The following TECR variants were observed in gnomAD, a reference collection of about 807,000 sequenced individuals.
TECR encodes very-long-chain enoyl-CoA reductase.
TECR carries 19 observed loss-of-function variants against 50.6 expected under a neutral mutation model. The observed-to-expected ratio is 0.38, with a 90% CI of 0.26 to 0.55. The LOEUF (loss-of-function observed/expected upper bound fraction) is 0.55. TECR is among the 20% of genes least tolerant of loss of function. The pLI is 0.79. For synonymous variants in TECR, 168 were observed against 163.5 expected (o/e 1.03, Z -0.21); for missense variants, 313 against 408.3 (o/e 0.77, Z 2.01).
intron 1 of TECR, among the ~76,000 whole-genome samples, chr19:14,535,124 G>A (rs1176232102): frequency 1.3e-5 from 2 of 152,166 alleles, no homozygotes; most frequent in African/African-American, 4.8e-5. Flanking sequence ...TGTAATCCCA[G>A]CACGTTGGGA....
chr19:14,533,292 C>T (rs1419953579), intron 1 of TECR, among the ~76,000 whole-genome samples: 4 of 151,648 alleles, frequency 2.6e-5, no homozygotes, highest in Admixed American at 1.3e-4. Flanking sequence ...TGGTGGCGCA[C>T]GCCTGAAATC....
At chr19:14,554,116 A>G (rs188097899) in intron 1 of TECR, among the ~76,000 whole-genome samples, 2 of 152,200 alleles carry the variant, frequency 1.3e-5, no homozygotes, top group Non-Finnish European at 2.9e-5. Context: ...GGCTTTCAAC[A>G]TGCACGCGTG....
chr19:14,565,548 G>A (rs2074053874), intron 11 of TECR, 70 bp from the exon 12 acceptor site: 1 of 1,562,374 alleles, frequency 6.4e-7, no homozygotes, highest in African/African-American at 1.4e-5. Context: ...GAGGTGGCTG[G>A]CTGAGTCCAG....
At chr19:14,559,281 C>G (rs1342256437) in intron 1 of TECR, among the ~76,000 whole-genome samples, 2 of 152,064 alleles carry the variant, frequency 1.3e-5, no homozygotes, top group South Asian at 2.1e-4. Context: ...TGTCTCGTCC[C>G]AGAACATTTT....
intron 1 of TECR, among the ~76,000 whole-genome samples, chr19:14,558,692 T>G (rs1014238837): frequency 1.3e-5 from 2 of 152,170 alleles, no homozygotes; most frequent in African/African-American, 4.8e-5. Context: ...TGGCCAGTGC[T>G]GGGACCTCGC....
intron 11 of TECR, 59 bp from the exon 12 acceptor site, chr19:14,565,559 G>C (rs2074054385): frequency 1.3e-6 from 2 of 1,575,258 alleles, no homozygotes; most frequent in Non-Finnish European, 1.7e-6. Context: ...CTGAGTCCAG[G>C]ACAGCCACAT....
Position 14,563,421 on chromosome 19 carries a change from T to G in TECR, c.118+164T>G. ...TGGGGCAGGCGCCTCCACGTGGCAC[T>G]CCGCAGGAACGCCCTTGCTAGGCTC... On this transcript the variant is annotated intron_variant, in intron 3 of 12. Transcript: ENST00000215567. The surrounding 1 kb of genome is among the most constrained non-coding windows in gnomAD (Gnocchi z 5.3). 1 of 841,380 alleles carries G rather than the reference T, an allele frequency of 1.2e-6. No individual in the cohort carries two copies. The highest frequency in any genetic ancestry group is 1.7e-5 in the African/African-American group (1 of 58,890). The allele number at this position is 841,380 out of a possible 1,614,324, so 52.1% of individuals were successfully genotyped here. A position where few individuals can be genotyped will look rare whatever the true frequency, so the allele number is the denominator to read the frequency against.
chr19:14,537,113 G>A (rs1048342952), intron 1 of TECR, among the ~76,000 whole-genome samples: 4 of 144,390 alleles, frequency 2.8e-5, no homozygotes, highest in Non-Finnish European at 6.0e-5. Context: ...GCAGGGCTGA[G>A]GTGGAGGAGG....
rs1199013603 is a variant in TECR, at chr19:14,565,810, A to T, written c.866A>T (p.Tyr289Phe). The change falls in exon 13 of 13, where the codon TAC becomes TTC. Residue 289 changes from tyrosine to phenylalanine, a missense_variant. Transcript: ENST00000215567. ...TIWAKGKHRS[Y>F]LKEFRDYPPL... Reference sequence around the variant, plus strand: ...TGGGCCAAGGGCAAGCACCGCAGCTACCTGAAGGAGTTCCGGGACTACCCG... The same window carrying T: ...TGGGCCAAGGGCAAGCACCGCAGCTTCCTGAAGGAGTTCCGGGACTACCCG... 6.2e-7 allele frequency: 1 copy of T among 1,602,312 alleles called. No homozygotes were observed. Among genetic ancestry groups the T allele is most frequent in the Admixed American group, 1.7e-5 (1 of 58,344 alleles).
chr19:14,542,376 T>TTTTTTTTTC (rs1762683142), intron 1 of TECR, among the ~76,000 whole-genome samples: 1 of 110,124 alleles, frequency 9.1e-6, no homozygotes, highest in African/African-American at 3.6e-5. Flanking sequence ...TTTTTTTTTT[T>TTTTTTTTTC]CTGAGATGGA....
chr19:14,558,363 G>A (rs546369959), intron 1 of TECR, among the ~76,000 whole-genome samples: 16 of 152,262 alleles, frequency 1.1e-4, no homozygotes, highest in Non-Finnish European at 1.8e-4. Flanking sequence ...TCTGTTGCTT[G>A]CGGCACTCCC....
At chr19:14,554,201 C>T (rs1014954226) in intron 1 of TECR, among the ~76,000 whole-genome samples, 2 of 152,164 alleles carry the variant, frequency 1.3e-5, no homozygotes, top group African/African-American at 2.4e-5. Context: ...GGCTCCTGCT[C>T]CCTCCGGCTG....
chr19:14,545,414 C>CGCTGACTCCTCTCCACA (rs2073270743), intron 1 of TECR, among the ~76,000 whole-genome samples: 1 of 152,186 alleles, frequency 6.6e-6, no homozygotes, highest in Admixed American at 6.5e-5. Flanking sequence ...CCCTCTGCAC[C>CGCTGACTCCTCTCCACA]GCTGTCTCCT....
chr19:14,557,977 G>T (rs1347077366), intron 1 of TECR, among the ~76,000 whole-genome samples: 1 of 150,780 alleles, frequency 6.6e-6, no homozygotes, highest in African/African-American at 2.4e-5. Context: ...GGATGGTCTC[G>T]ATCTCCTGAC....
chr19:14,529,662 CAGCCGCGGAGCAGT>C lies in TECR; in HGVS notation c.-28_-15del. 1 of 1,613,800 alleles carries C rather than the reference CAGCCGCGGAGCAGT, an allele frequency of 6.2e-7. No homozygotes were observed. The highest frequency in any genetic ancestry group is 8.5e-7 in the Non-Finnish European group (1 of 1,180,030). On this transcript the variant is annotated 5_prime_UTR_variant, in exon 1 of 13. Transcript: ENST00000215567. Reference sequence around the variant, plus strand: ...GCTGTGCCGCGCAGTTAGGCAGCAGCAGCCGCGGAGCAGTAGCCGCCGTGGGAGGGAGCCATGAA... The same window carrying C: ...GCTGTGCCGCGCAGTTAGGCAGCAGCAGCCGCCGTGGGAGGGAGCCATGAA...
chr19:14,552,772 G>A (rs2073578733), intron 1 of TECR, among the ~76,000 whole-genome samples: 7 of 151,842 alleles, frequency 4.6e-5, no homozygotes, highest in South Asian at 2.1e-4. Flanking sequence ...TCCTGACCTC[G>A]TGATCCACCC....
chr19:14,560,745 G>A (rs2073879022), intron 1 of TECR, among the ~76,000 whole-genome samples: 1 of 152,210 alleles, frequency 6.6e-6, no homozygotes, highest in African/African-American at 2.4e-5. Context: ...CCACCCTCCT[G>A]TCCAGGAAGT....
At chr19:14,543,304 G>A (rs1282055672) in intron 1 of TECR, among the ~76,000 whole-genome samples, 5 of 63,412 alleles carry the variant, frequency 7.9e-5, no homozygotes, top group African/African-American at 2.4e-4. Context: ...GGGTGGGGGT[G>A]TGTGTGTGTG....
chr19:14,529,493 C>T, upstream of TECR: 1 of 708,028 alleles, frequency 1.4e-6, no homozygotes, highest in African/African-American at 1.7e-5. Context: ...AGTCTTGGTT[C>T]GGACCGGCCC....
Sources: allele counts gnomAD v4.1 joint callset (sites outside exome capture counted in the v4.1 genomes callset), GRCh38; gene constraint gnomAD v4.1.1; non-coding constraint Gnocchi (gnomAD v3.1); transcripts MANE v1.5; gene names NCBI Gene and HGNC (gene_info 2026-07-23, HGNC 2026-07-21).